Variants in PBX3 observed in about 807,000 individuals in gnomAD.
PBX3 encodes pre-B-cell leukemia transcription factor 3.
PBX3 carries 14 observed loss-of-function variants against 48.5 expected under a neutral mutation model. The ratio of observed to expected loss-of-function variants is 0.29; its 90% CI spans 0.19 to 0.45. PBX3 has a LOEUF of 0.45. PBX3 is among the 20% of genes least tolerant of loss of function. The pLI is 1.00. For missense variants in PBX3, 386 were observed against 546.7 expected (o/e 0.71, Z 2.93); for synonymous variants, 210 against 200.3 (o/e 1.05, Z -0.41).
chr9:125,786,490 G>A (rs1203937625), intron 2 of PBX3, among the ~76,000 whole-genome samples: 2 of 152,108 alleles, frequency 1.3e-5, no homozygotes, highest in African/African-American at 2.4e-5. Flanking sequence ...GGTGATATAA[G>A]GTGAAAGACT....
At chr9:125,909,786 C>T (rs1003256139) in intron 2 of PBX3, among the ~76,000 whole-genome samples, 1 of 152,120 alleles carries the variant, frequency 6.6e-6, no homozygotes, top group African/African-American at 2.4e-5. Context: ...GAAAATAACT[C>T]GGTCCTGCCC....
chr9:125,795,447 T>C (rs974289454), intron 2 of PBX3, among the ~76,000 whole-genome samples: 2 of 152,208 alleles, frequency 1.3e-5, no homozygotes, highest in African/African-American at 4.8e-5. Context: ...ATATTCTTTG[T>C]GATGAAAGCA....
At chr9:125,787,810 A>C (rs1187875796) in intron 2 of PBX3, among the ~76,000 whole-genome samples, 2 of 152,234 alleles carry the variant, frequency 1.3e-5, no homozygotes, top group Non-Finnish European at 2.9e-5. Flanking sequence ...GACTGTTATC[A>C]TAGGATGAGA....
intron 5 of PBX3, among the ~76,000 whole-genome samples, chr9:125,936,151 G>T (rs999589847): frequency 3.9e-5 from 6 of 151,996 alleles, no homozygotes; most frequent in African/African-American, 7.2e-5. Context: ...TGATTTTGGG[G>T]TTTTTAAAAA....
At chr9:125,902,295 T>TTA (rs1840965347) in intron 2 of PBX3, among the ~76,000 whole-genome samples, 1 of 151,702 alleles carries the variant, frequency 6.6e-6, no homozygotes, top group Non-Finnish European at 1.5e-5. Flanking sequence ...GTTATTCTGT[T>TTA]AAGTAGTTTT....
At chr9:125,819,408 C>T (rs894953159) in intron 2 of PBX3, among the ~76,000 whole-genome samples, 2 of 151,710 alleles carry the variant, frequency 1.3e-5, no homozygotes, top group African/African-American at 4.8e-5. Flanking sequence ...TGCCTGTAAT[C>T]CCAGCTACTC....
At chr9:125,748,137 A>C in intron 1 of PBX3, 1 of 614,468 alleles carries the variant, frequency 1.6e-6, no homozygotes, top group Non-Finnish European at 2.0e-6. Context: ...TCGGAGAGGG[A>C]GGGCCGCCTT....
At chr9:125,773,849 T>C (rs1191280779) in intron 2 of PBX3, among the ~76,000 whole-genome samples, 3 of 152,240 alleles carry the variant, frequency 2.0e-5, no homozygotes, top group Non-Finnish European at 2.9e-5. Context: ...GTTTTTTTCA[T>C]ATTTAGGTAA....
At chr9:125,775,132 G>C (rs12684513) in intron 2 of PBX3, among the ~76,000 whole-genome samples, 3,034 of 152,206 alleles carry the variant, frequency 0.02, 169 homozygotes, top group East Asian at 0.17. Context: ...CTCCCAAAGT[G>C]GTGGGATTAC....
intron 2 of PBX3, among the ~76,000 whole-genome samples, chr9:125,859,145 G>A (rs1213801028): frequency 1.3e-5 from 2 of 152,172 alleles, no homozygotes; most frequent in African/African-American, 4.8e-5. Context: ...TCAGGGAGGT[G>A]ATGAGATAAG....
At chr9:125,903,673 A>G (rs1206713738) in intron 2 of PBX3, among the ~76,000 whole-genome samples, 2 of 151,886 alleles carry the variant, frequency 1.3e-5, no homozygotes, top group East Asian at 3.9e-4. Context: ...AAGTTAACAA[A>G]TGAGAGTTCC....
At chr9:125,858,864 A>G (rs10986984) in intron 2 of PBX3, among the ~76,000 whole-genome samples, 8,991 of 152,184 alleles carry the variant, frequency 0.059, 609 homozygotes, top group East Asian at 0.17. Flanking sequence ...GATGTCAGGC[A>G]ATCCACCATC....
At chr9:125,768,133 G>A (rs1294100379) in intron 2 of PBX3, among the ~76,000 whole-genome samples, 1 of 151,974 alleles carries the variant, frequency 6.6e-6, no homozygotes, top group Admixed American at 6.6e-5. Context: ...TGGGGGTGGT[G>A]GGGGGCAAGT....
intron 2 of PBX3, among the ~76,000 whole-genome samples, chr9:125,864,526 G>C (rs759836213): frequency 1.3e-5 from 2 of 152,150 alleles, no homozygotes; most frequent in Non-Finnish European, 2.9e-5. Flanking sequence ...ATCAGTGGGA[G>C]CCCTGACTTT....
intron 2 of PBX3, among the ~76,000 whole-genome samples, chr9:125,778,295 G>A (rs1427267091): frequency 3.4e-5 from 5 of 148,906 alleles, no homozygotes. Context: ...GTCTCACTCT[G>A]TCGTTCAGGC....
At chr9:125,858,190 C>T (rs980299493) in intron 2 of PBX3, among the ~76,000 whole-genome samples, 2 of 152,008 alleles carry the variant, frequency 1.3e-5, no homozygotes, top group Non-Finnish European at 2.9e-5. Context: ...ATAGGGAGAC[C>T]CCATCACTAG....
chr9:125,769,821 G>A (rs568341377), intron 2 of PBX3, among the ~76,000 whole-genome samples: 157 of 152,306 alleles, frequency 1.0e-3, no homozygotes, highest in Admixed American at 1.8e-3. Flanking sequence ...AAATAAGGAA[G>A]TAGGACGAGG....
At chr9:125,919,337 C>A (rs755547913) in intron 3 of PBX3, among the ~76,000 whole-genome samples, 18 of 148,122 alleles carry the variant, frequency 1.2e-4, no homozygotes, top group Non-Finnish European at 2.2e-4. Context: ...GGATTACAGG[C>A]GTCTGCCATC....
intron 2 of PBX3, among the ~76,000 whole-genome samples, chr9:125,804,704 C>A (rs746810766): frequency 6.6e-6 from 1 of 151,904 alleles, no homozygotes; most frequent in African/African-American, 2.4e-5. Flanking sequence ...TTTGAGAGGC[C>A]GAGGCAGGTG....
Sources: allele counts gnomAD v4.1 joint callset (sites outside exome capture counted in the v4.1 genomes callset), GRCh38; gene constraint gnomAD v4.1.1; transcripts MANE v1.5; gene names NCBI Gene and HGNC (gene_info 2026-07-23, HGNC 2026-07-21).